AIFM3: variants seen among roughly 807,000 people sequenced by gnomAD.
The protein encoded by AIFM3 is AIF family member 3, also known as apoptosis-inducing factor 3.
AIFM3 carries 71 observed loss-of-function variants against 82.7 expected under a neutral mutation model. The observed-to-expected ratio is 0.86, with a 90% CI of 0.71 to 1.05. AIFM3 has a LOEUF of 1.05. Ranked by LOEUF, AIFM3 falls within the 50% of genes least tolerant of loss-of-function variation. AIFM3 has a pLI of 0.00. For synonymous variants in AIFM3, 337 were observed against 329.1 expected, an observed-to-expected ratio of 1.02 and a Z score of -0.26; for missense variants, 748 against 816.7, an observed-to-expected ratio of 0.92 and a Z score of 1.03.
chr22:20,968,042 C>T lies in AIFM3; in HGVS notation c.31+67C>T, dbSNP rs866271982. 1.0e-5 allele frequency: 15 copies of T among 1,489,122 alleles called. No individual in the cohort carries two copies. The Middle Eastern group carries it at 2.3e-3, about 224-fold the overall frequency. The allele number at this position is 1,489,122 out of a possible 1,614,324, so 92.2% of individuals were successfully genotyped here. A position where few individuals can be genotyped will look rare whatever the true frequency, so the allele number is the denominator to read the frequency against. On this transcript the variant is annotated intron_variant, in intron 2 of 20. Transcript: ENST00000440238. ...CCGCCTCCTCCTCCCCCGTCTCCCC[C>T]CCCTCCCCCTCTGCACTCGGTAGGC...
At chr22:20,976,183 C>A in intron 9 of AIFM3, 32 bp from the exon 10 acceptor site, 1 of 1,604,334 alleles carries the variant, frequency 6.2e-7, no homozygotes, top group South Asian at 1.1e-5. Context: ...GCCCCATGCC[C>A]AAGCTCATGC....
rs1036509554 is a variant in AIFM3, at chr22:20,981,296, C to A, written c.*265C>A. 2 of 544,224 alleles carry A rather than the reference C, an allele frequency of 3.7e-6. No individual in the cohort carries two copies. The highest frequency in any genetic ancestry group is 3.8e-5 in the African/African-American group (2 of 52,724). 33.7% of individuals were successfully genotyped at this position (544,224 alleles called of 1,614,324 possible). ...CTCTTCTCCCTCTATTGGGACTGGT[C>A]CCCTGAAGAACCCTGCAACACGTTA... On this transcript the variant is annotated 3_prime_UTR_variant, in exon 21 of 21. Transcript: ENST00000440238.
chr22:20,965,855 C>T (rs1395756292), upstream of AIFM3, among the ~76,000 whole-genome samples: 1 of 152,078 alleles, frequency 6.6e-6, no homozygotes, highest in East Asian at 1.9e-4. Flanking sequence ...CCTCACAGGT[C>T]CTGGGGTCCC....
Position 20,974,163 on chromosome 22 carries a change from C to T in AIFM3, c.456C>T (p.His152=). ...LEDFPGLDSL[H]KFQVKIEKEK... ...ACTTCCCTGGCCTGGACAGTCTACA[C>T]AAGTTCCAGGTGGGGCCAGGAGTGC... The change falls in exon 5 of 21, where the codon CAC becomes CAT. Residue 152 remains histidine (H), a synonymous_variant. Coordinates refer to ENST00000440238, the MANE Select transcript of AIFM3 (RefSeq NM_001386814.1). 1 of 1,613,062 alleles carries T rather than the reference C, an allele frequency of 6.2e-7. No homozygotes were observed. The highest frequency in any genetic ancestry group is 8.5e-7 in the Non-Finnish European group (1 of 1,179,746).
intron 9 of AIFM3, 84 bp downstream of exon 9, chr22:20,975,862 G>A: frequency 6.8e-7 from 1 of 1,464,472 alleles, no homozygotes; most frequent in African/African-American, 1.4e-5. Context: ...TGGGGTCTTG[G>A]TGCTCTACCT....
chr22:20,979,942 T>G lies in AIFM3; in HGVS notation c.1653-78T>G, dbSNP rs1287047789. 7 of 1,382,764 alleles carry G rather than the reference T, an allele frequency of 5.1e-6. No individual in the cohort carries two copies. The East Asian group carries it at 9.8e-5, about 19-fold the overall frequency. 85.7% of individuals were successfully genotyped at this position (1,382,764 alleles called of 1,614,324 possible). A position where few individuals can be genotyped will look rare whatever the true frequency, so the allele number is the denominator to read the frequency against. On this transcript the variant is annotated intron_variant, in intron 18 of 20. Transcript: ENST00000440238. ...GGTAGGTCCTTCCCTGGGCCCCAGA[T>G]GGACAGCAGTGCATCAGGGTTTTCA...
rs772292093 is a variant in AIFM3, at chr22:20,980,139, G to A, written c.1757+15G>A. On this transcript the variant is annotated intron_variant, in intron 19 of 20. Coordinates refer to ENST00000440238, the MANE Select transcript of AIFM3 (RefSeq NM_001386814.1). ...CGGGAGGTGGAGTGAGTGTGGGTGT[G>A]GGAAGCCTGGGGGTGGGAGTAGTTC... The A allele has an allele frequency of 3.1e-6, 5 of 1,603,156 alleles. No individual in the cohort carries two copies. Among genetic ancestry groups the A allele is most frequent in the Non-Finnish European group, 3.4e-6 (4 of 1,179,344 alleles).
intron 1 of AIFM3, chr22:20,967,600 TC>T: frequency 2.8e-6 from 1 of 359,678 alleles, no homozygotes; most frequent in South Asian, 5.2e-5. Flanking sequence ...GCAGAGGAAC[TC>T]CACTGGAGGA....
At chr22:20,977,481 T>C in intron 14 of AIFM3, 1 of 622,574 alleles carries the variant, frequency 1.6e-6, no homozygotes, top group Non-Finnish European at 2.8e-6. Context: ...AAGGGCCTCA[T>C]GGAGCACTTC....
chr22:20,974,217 T>A, intron 5 of AIFM3, 35 bp from the exon 6 acceptor site: 1 of 1,613,324 alleles, frequency 6.2e-7, no homozygotes, highest in Non-Finnish European at 8.5e-7. Flanking sequence ...GGGTGTGGGG[T>A]TCGGGGCTGG....
In AIFM3 at chr22:20,975,879, C is replaced by T. The variant is rs1014195478; in HGVS notation, c.807+101C>T. Reference sequence around the variant, plus strand: ...GGGTCTTGGTGCTCTACCTTCCTGGCCCCACAGCCCAGGCACCTGGGAGGT... The same window carrying T: ...GGGTCTTGGTGCTCTACCTTCCTGGTCCCACAGCCCAGGCACCTGGGAGGT... On this transcript the variant is annotated intron_variant, in intron 9 of 20. Coordinates refer to ENST00000440238, the MANE Select transcript of AIFM3 (RefSeq NM_001386814.1). The T allele has an allele frequency of 1.7e-5, 23 of 1,341,956 alleles. No individual in the cohort carries two copies. In the East Asian group the frequency reaches 2.9e-4, roughly 17 times the overall value. The allele number at this position is 1,341,956 out of a possible 1,614,324, so 83.1% of individuals were successfully genotyped here.
chr22:20,979,030 A>G (rs921111461), intron 16 of AIFM3, among the ~76,000 whole-genome samples: 1 of 152,200 alleles, frequency 6.6e-6, no homozygotes, highest in Non-Finnish European at 1.5e-5. Flanking sequence ...TTCCAGAGTC[A>G]GGGCACTTTA....
chr22:20,970,496 C>T (rs1183821798), intron 2 of AIFM3, among the ~76,000 whole-genome samples: 2 of 152,024 alleles, frequency 1.3e-5, no homozygotes, highest in Non-Finnish European at 2.9e-5. Context: ...AATCTCACTC[C>T]CTCACCCAGG....
rs183325820 is a variant in AIFM3, at chr22:20,973,509, C to A, written c.234C>A (p.Leu78=). The change falls in exon 3 of 21, where the codon CTC becomes CTA. Residue 78 remains leucine, a synonymous_variant. Coordinates refer to ENST00000440238, the MANE Select transcript of AIFM3 (RefSeq NM_001386814.1). ...CTGCTGTCTGCCACGTCAAGGACCT[C>A]GAGAATGGCCAGTGGGTTCTGGGCT... The part of the protein sequence containing the change: ...VEAAVCHVKD[L]ENGQMREVEL... 3.7e-6 allele frequency: 6 copies of A among 1,611,582 alleles called. No individual in the cohort carries two copies. In the East Asian group the frequency reaches 8.9e-5, roughly 24 times the overall value.
chr22:20,970,964 G>T (rs1200299803), intron 2 of AIFM3, among the ~76,000 whole-genome samples: 1 of 152,230 alleles, frequency 6.6e-6, no homozygotes. Flanking sequence ...GGTCTTATGG[G>T]CAGCCAGAAG....
chr22:20,967,767 A>C, intron 1 of AIFM3, 38 bp from the exon 2 acceptor site: 1 of 638,668 alleles, frequency 1.6e-6, no homozygotes, highest in Non-Finnish European at 2.8e-6. Flanking sequence ...CTACCTGCCC[A>C]CACGCCCCGG....
At chr22:20,980,385 C>T (rs1924017825) in intron 19 of AIFM3, 5 of 595,938 alleles carry the variant, frequency 8.4e-6, no homozygotes, top group Non-Finnish European at 9.0e-6. Flanking sequence ...GGGGTCAGGG[C>T]CCAATGCATG....
chr22:20,967,580 C>G, intron 1 of AIFM3: 2 of 306,332 alleles, frequency 6.5e-6, no homozygotes, highest in Admixed American at 9.5e-5. Flanking sequence ...GATGGGCGGC[C>G]GAGGTTCGGG....
At chr22:20,976,090 G>A (rs1923630821) in intron 9 of AIFM3, 125 bp from the exon 10 acceptor site, 3 of 1,067,264 alleles carry the variant, frequency 2.8e-6, no homozygotes, top group Non-Finnish European at 2.8e-6. Context: ...CAGGTGGCAG[G>A]ATCTGTTTTA....
Sources: allele counts gnomAD v4.1 joint callset (sites outside exome capture counted in the v4.1 genomes callset), GRCh38; gene constraint gnomAD v4.1.1; transcripts MANE v1.5; gene names NCBI Gene and HGNC (gene_info 2026-07-23, HGNC 2026-07-21).